Variants in FYB1 observed in about 807,000 individuals in gnomAD.
The protein encoded by FYB1 is FYN binding protein 1.
FYB1 carries 41 observed loss-of-function variants against 94.1 expected under a neutral mutation model. The ratio of observed to expected loss-of-function variants is 0.44; its 90% CI spans 0.34 to 0.57. The LOEUF is 0.57. Ranked by LOEUF, FYB1 falls within the 20% of genes least tolerant of loss-of-function variation. FYB1 has a pLI of 0.02. For missense variants in FYB1, 1,050 were observed against 976.8 expected (o/e 1.07, Z -1.00); for synonymous variants, 367 against 353.2 (o/e 1.04, Z -0.44).
At chr5:39,215,940 C>T (rs1357454398) in intron 1 of FYB1, among the ~76,000 whole-genome samples, 1 of 152,066 alleles carries the variant, frequency 6.6e-6, no homozygotes, top group African/African-American at 2.4e-5. Flanking sequence ...GACAAGTGTC[C>T]TTATAAGATA....
intron 1 of FYB1, among the ~76,000 whole-genome samples, chr5:39,257,216 A>G (rs1242818180): frequency 1.3e-5 from 2 of 152,230 alleles, no homozygotes; most frequent in Non-Finnish European, 2.9e-5. Context: ...TTTAAAAGGC[A>G]TATAGTAAAA....
At chr5:39,250,733 T>C (rs1329675669) in intron 1 of FYB1, 1 of 152,184 alleles carries the variant, frequency 6.6e-6, no homozygotes, top group Non-Finnish European at 1.5e-5. Flanking sequence ...CGAGATCTTA[T>C]CACCTCTGGG....
intron 2 of FYB1, among the ~76,000 whole-genome samples, chr5:39,193,751 G>A (rs1747575636): frequency 6.6e-6 from 1 of 152,176 alleles, no homozygotes; most frequent in South Asian, 2.1e-4. Flanking sequence ...GAGCTGCCAG[G>A]GCTGGCCCTG....
intron 4 of FYB1, 103 bp downstream of exon 4, chr5:39,140,992 C>T: frequency 1.3e-6 from 1 of 760,348 alleles, no homozygotes; most frequent in Non-Finnish European, 2.3e-6. Flanking sequence ...TTGCACAGAC[C>T]AGTGATGATA....
intron 1 of FYB1, among the ~76,000 whole-genome samples, chr5:39,239,158 A>G (rs974262612): frequency 6.6e-6 from 1 of 152,170 alleles, no homozygotes; most frequent in East Asian, 1.9e-4. Flanking sequence ...GAAGGAACAT[A>G]CTTCAAAATA....
intron 1 of FYB1, among the ~76,000 whole-genome samples, chr5:39,265,349 T>G (rs1752384737): frequency 6.6e-6 from 1 of 152,034 alleles, no homozygotes; most frequent in Non-Finnish European, 1.5e-5. Context: ...CCAGTTGTGA[T>G]GGCGGGCGCT....
chr5:39,154,705 C>G (rs959641998), intron 2 of FYB1, among the ~76,000 whole-genome samples: 1 of 151,990 alleles, frequency 6.6e-6, no homozygotes, highest in East Asian at 1.9e-4. Context: ...CGGGGTTTCT[C>G]TTTGTATTTT....
chr5:39,226,023 A>C lies in FYB1; in HGVS notation c.-27-23036T>G, dbSNP rs77914056. Among the ~76,000 whole-genome samples, 993 of 152,244 alleles carry C rather than the reference A, an allele frequency of 6.5e-3. 15 individuals are homozygous for C. Among genetic ancestry groups the C allele is most frequent in the African/African-American group, 0.023 (942 of 41,552 alleles). ...GCCTCTCATGGGTCCCTGGTTCACAATTCTGAGGGTCTTACTGTTGCTCTC... is the reference window on the plus strand; with the variant it reads ...GCCTCTCATGGGTCCCTGGTTCACACTTCTGAGGGTCTTACTGTTGCTCTC... On this transcript the variant is annotated intron_variant, in intron 1 of 1. Coordinates refer to the FYB1 transcript ENST00000510188.
rs371232309 is a variant in FYB1 at position 39,144,788 on chromosome 5, C to T, written c.1293-3647G>A. ...CTGCACTCTAGACTGGATAACAGAG[C>T]GAAACTGTGTCTCAAAAAAAAACCA... On this transcript the variant is annotated intron_variant, in intron 3 of 18. Coordinates refer to ENST00000512982, the MANE Select transcript of FYB1 (RefSeq NM_001465.6). Among the ~76,000 whole-genome samples, 53 of 151,904 alleles carry T rather than the reference C, an allele frequency of 3.5e-4. 2 individuals carry two copies. Among genetic ancestry groups the T allele is most frequent in the African/African-American group, 1.2e-3 (51 of 41,446 alleles).
chr5:39,141,163 C>T (rs183701943), intron 3 of FYB1, 22 bp from the exon 4 acceptor site: 2 of 1,541,178 alleles, frequency 1.3e-6, no homozygotes, highest in Non-Finnish European at 1.8e-6. Context: ...AAAGAAGAAA[C>T]AGTGAACATG....
chr5:39,273,106 G>T (rs1752711347), intron 1 of FYB1, among the ~76,000 whole-genome samples: 1 of 152,198 alleles, frequency 6.6e-6, no homozygotes, highest in Non-Finnish European at 1.5e-5. Flanking sequence ...GAAGTGAGGA[G>T]CCCCTCTGCC....
intron 1 of FYB1, among the ~76,000 whole-genome samples, chr5:39,204,863 C>A (rs1748703063): frequency 6.6e-6 from 1 of 152,164 alleles, no homozygotes; most frequent in Admixed American, 6.5e-5. Context: ...CTTTAATTTA[C>A]CTCCCTTATC....
intron 1 of FYB1, among the ~76,000 whole-genome samples, chr5:39,266,599 A>G (rs1489297429): frequency 6.6e-6 from 1 of 152,158 alleles, no homozygotes; most frequent in Non-Finnish European, 1.5e-5. Context: ...CCCTTCCTGG[A>G]CAGTTCAGGA....
At chr5:39,269,240 G>A (rs751928901) in intron 1 of FYB1, among the ~76,000 whole-genome samples, 1 of 151,984 alleles carries the variant, frequency 6.6e-6, no homozygotes, top group African/African-American at 2.4e-5. Context: ...TAGTAGAAGC[G>A]GGGTTTCACC....
intron 1 of FYB1, among the ~76,000 whole-genome samples, chr5:39,230,572 A>T (rs543638475): frequency 2.0e-5 from 3 of 152,068 alleles, no homozygotes; most frequent in African/African-American, 7.2e-5. Context: ...ATTTCTGTAT[A>T]TGTGTGTGTG....
At chr5:39,238,680 A>C (rs1316410575) in intron 1 of FYB1, among the ~76,000 whole-genome samples, 3 of 152,154 alleles carry the variant, frequency 2.0e-5, no homozygotes, top group Non-Finnish European at 4.4e-5. Context: ...AACAGCCAGC[A>C]TCAAATCAGC....
intron 2 of FYB1, among the ~76,000 whole-genome samples, chr5:39,196,175 G>A (rs1191986428): frequency 1.3e-5 from 2 of 151,338 alleles, no homozygotes; most frequent in Non-Finnish European, 2.9e-5. Context: ...CAAAATCTGG[G>A]AGTAAATAAA....
intron 1 of FYB1, among the ~76,000 whole-genome samples, chr5:39,237,369 A>G (rs1751011728): frequency 6.6e-6 from 1 of 152,008 alleles, no homozygotes; most frequent in South Asian, 2.1e-4. Context: ...AGAAAGAATG[A>G]ATTAAATTTG....
chr5:39,108,120 T>C, intron 18 of FYB1, 111 bp downstream of exon 18: 5 of 1,043,028 alleles, frequency 4.8e-6, no homozygotes, highest in Non-Finnish European at 6.9e-6. Context: ...TTCAAGTGAT[T>C]CAAATTCTGA....
Sources: allele counts gnomAD v4.1 joint callset (sites outside exome capture counted in the v4.1 genomes callset), GRCh38; gene constraint gnomAD v4.1.1; transcripts MANE v1.5; gene names NCBI Gene and HGNC (gene_info 2026-07-23, HGNC 2026-07-21).